The following ASTN2 variants were observed in gnomAD, a reference collection of about 807,000 sequenced individuals.
ASTN2 encodes astrotactin 2.
In ASTN2, 54 loss-of-function variants were observed where a neutral mutation model predicts 139.8. The ratio of observed to expected loss-of-function variants is 0.39; its 90% CI spans 0.31 to 0.48. The LOEUF (loss-of-function observed/expected upper bound fraction) is 0.48. Among genes scored for constraint, ASTN2 ranks in the 20% least tolerant of loss-of-function variants. The probability of loss-of-function intolerance (pLI) is 0.95; values close to 1 mark genes in which losing one functional copy is unlikely to be tolerated. For synonymous variants in ASTN2, 756 were observed against 719.5 expected, an observed-to-expected ratio of 1.05 and a Z score of -0.81; for missense variants, 1,565 against 1,725.1, an observed-to-expected ratio of 0.91 and a Z score of 1.64.
intron 16 of ASTN2, chr9:116,697,711 C>G: frequency 6.2e-7 from 1 of 1,612,796 alleles, no homozygotes; most frequent in Non-Finnish European, 8.5e-7. Flanking sequence ...CAGTTCTGAG[C>G]TGTGCTAGCA....
chr9:117,120,018 G>GTGTGTATATATATATATATATATA (rs1306397698), intron 4 of ASTN2, among the ~76,000 whole-genome samples: 30 of 45,986 alleles, frequency 6.5e-4, no homozygotes, highest in Non-Finnish European at 9.4e-4. Context: ...GTGTGTGTGT[G>GTGTGTATATATATATATATATATA]TATATATATA....
intron 7 of ASTN2, among the ~76,000 whole-genome samples, chr9:117,006,468 C>T (rs1247004366): frequency 6.6e-6 from 1 of 152,130 alleles, no homozygotes; most frequent in Non-Finnish European, 1.5e-5. Context: ...AGGGTATACT[C>T]TTAAATGTAT....
intron 16 of ASTN2, among the ~76,000 whole-genome samples, chr9:116,712,306 G>T (rs900145008): frequency 2.0e-5 from 3 of 151,044 alleles, no homozygotes; most frequent in Non-Finnish European, 4.4e-5. Context: ...TTTGAGCCAG[G>T]TGTTCATGCC....
chr9:117,306,281 G>A (rs1342390873), intron 1 of ASTN2, among the ~76,000 whole-genome samples: 1 of 152,140 alleles, frequency 6.6e-6, no homozygotes, highest in East Asian at 1.9e-4. Flanking sequence ...GGAAGCTTTT[G>A]GGCATAATTT....
intron 2 of ASTN2, among the ~76,000 whole-genome samples, chr9:117,262,693 C>T (rs529550140): frequency 6.6e-6 from 1 of 152,210 alleles, no homozygotes; most frequent in East Asian, 1.9e-4. Context: ...ATAGGTTACA[C>T]GGTGAGGGAG....
intron 3 of ASTN2, among the ~76,000 whole-genome samples, chr9:117,143,608 A>T (rs1238991394): frequency 6.6e-6 from 1 of 152,256 alleles, no homozygotes; most frequent in African/African-American, 2.4e-5. Context: ...GACATAGCTT[A>T]GCTTGGGCTA....
chr9:116,810,276 G>T (rs920177309), intron 12 of ASTN2, among the ~76,000 whole-genome samples: 1 of 152,162 alleles, frequency 6.6e-6, no homozygotes, highest in South Asian at 2.1e-4. Context: ...GGTTTTGCAC[G>T]TGTCTTTTGG....
At chr9:117,208,766 G>A (rs1351392022) in intron 3 of ASTN2, among the ~76,000 whole-genome samples, 1 of 152,080 alleles carries the variant, frequency 6.6e-6, no homozygotes, top group East Asian at 1.9e-4. Context: ...ACATAAAAGG[G>A]AATTTTCATT....
chr9:116,631,106 G>A (rs187737098), intron 17 of ASTN2, among the ~76,000 whole-genome samples: 25 of 152,204 alleles, frequency 1.6e-4, no homozygotes, highest in African/African-American at 4.8e-4. Flanking sequence ...CACTGTTGGT[G>A]GGAATATAAA....
chr9:117,048,528 G>A (rs1382402875), intron 5 of ASTN2, among the ~76,000 whole-genome samples: 1 of 152,118 alleles, frequency 6.6e-6, no homozygotes, highest in Non-Finnish European at 1.5e-5. Context: ...AAAGCCACTG[G>A]CAGCTGACAT....
chr9:116,994,984 A>C (rs547037984), intron 7 of ASTN2, among the ~76,000 whole-genome samples: 6 of 152,146 alleles, frequency 3.9e-5, no homozygotes, highest in African/African-American at 1.4e-4. Context: ...TCTTACCACT[A>C]TTTTACCTCT....
At chr9:116,697,175 A>G (rs1860904964) in intron 16 of ASTN2, among the ~76,000 whole-genome samples, 1 of 152,156 alleles carries the variant, frequency 6.6e-6, no homozygotes, top group Non-Finnish European at 1.5e-5. Flanking sequence ...TACTGTGCAT[A>G]ATTCTCCTGT....
intron 19 of ASTN2, among the ~76,000 whole-genome samples, chr9:116,542,833 T>C (rs929145335): frequency 2.0e-5 from 3 of 151,892 alleles, no homozygotes; most frequent in Admixed American, 6.6e-5. Context: ...GGCAGGAGGA[T>C]TGCTTCAGCC....
At chr9:117,356,115 T>C (rs1369239499) in intron 1 of ASTN2, among the ~76,000 whole-genome samples, 1 of 152,150 alleles carries the variant, frequency 6.6e-6, no homozygotes, top group Non-Finnish European at 1.5e-5. Flanking sequence ...CCCAAGTTAG[T>C]AGAAAGGAAA....
At chr9:117,095,064 C>G (rs1490173272) in intron 5 of ASTN2, among the ~76,000 whole-genome samples, 1 of 152,186 alleles carries the variant, frequency 6.6e-6, no homozygotes, top group Non-Finnish European at 1.5e-5. Flanking sequence ...CAGCACACCT[C>G]TTTGTGGAGG....
chr9:116,487,299 C>T (rs1440628816), intron 20 of ASTN2, 60 bp downstream of exon 20: 8 of 1,594,328 alleles, frequency 5.0e-6, no homozygotes, highest in East Asian at 2.2e-5. Context: ...CATGCCATTC[C>T]TCTTAGGCTT....
At position 117,061,393 on chromosome 9, in the gene ASTN2, C is replaced by G. The variant is rs559576245; in HGVS notation, c.1277-21428G>C. On this transcript the variant is annotated intron_variant, in intron 5 of 22. Transcript: ENST00000313400. ...TGCACAGTGCCTATTATTAATGTTG[C>G]TCTTTTTTTCCTCCATTTTTTTTAA... is the stretch of plus-strand genomic sequence containing the variant. 8.1e-4 allele frequency among the ~76,000 whole-genome samples: 123 copies of G among 152,216 alleles called. 1 individual carries two copies. In the South Asian group the frequency reaches 1.0e-2, roughly 12 times the overall value.
chr9:117,267,984 C>T (rs1833974355), intron 2 of ASTN2, among the ~76,000 whole-genome samples: 1 of 152,200 alleles, frequency 6.6e-6, no homozygotes, highest in South Asian at 2.1e-4. Context: ...CAATGCCAAT[C>T]ATTGCATTTC....
intron 11 of ASTN2, among the ~76,000 whole-genome samples, chr9:116,832,636 C>T (rs1446019819): frequency 6.6e-6 from 1 of 151,732 alleles, no homozygotes; most frequent in East Asian, 1.9e-4. Flanking sequence ...TTTTCTTCTT[C>T]TGCCTGTTAT....
Sources: allele counts gnomAD v4.1 joint callset (sites outside exome capture counted in the v4.1 genomes callset), GRCh38; gene constraint gnomAD v4.1.1; transcripts MANE v1.5; gene names NCBI Gene and HGNC (gene_info 2026-07-23, HGNC 2026-07-21).